The following VMP1 variants were observed in gnomAD, a reference collection of about 807,000 sequenced individuals.
VMP1 encodes the protein ectopic P-granules autophagy protein 3 homolog.
VMP1 carries 11 observed loss-of-function variants against 56.0 expected under a neutral mutation model. The ratio of observed to expected loss-of-function variants is 0.20; its 90% confidence interval spans 0.12 to 0.32. The LOEUF is 0.32. Among genes scored for constraint, VMP1 ranks in the 10% least tolerant of loss-of-function variants. The pLI is 1.00. For missense variants in VMP1, 296 were observed against 490.3 expected (o/e 0.60, Z 3.74); for synonymous variants, 149 against 165.0 (o/e 0.90, Z 0.74).
intron 8 of VMP1, among the ~76,000 whole-genome samples, chr17:59,810,736 A>C (rs2038027934): frequency 6.6e-6 from 1 of 152,228 alleles, no homozygotes; most frequent in East Asian, 1.9e-4. Flanking sequence ...TCTTTTTTAA[A>C]GATCATATGT....
chr17:59,738,800 G>C, intron 4 of VMP1, 37 bp from the exon 5 acceptor site: 1 of 1,406,926 alleles, frequency 7.1e-7, no homozygotes, highest in Non-Finnish European at 1.0e-6. Context: ...TTTCTGTATA[G>C]AGAATTCACG....
At chr17:59,783,113 A>T (rs2036885252) in intron 7 of VMP1, among the ~76,000 whole-genome samples, 1 of 152,096 alleles carries the variant, frequency 6.6e-6, no homozygotes, top group Non-Finnish European at 1.5e-5. Flanking sequence ...GGAGAATGGC[A>T]TGAACCTGGG....
At chr17:59,710,058 G>A (rs2143681809) in intron 1 of VMP1, among the ~76,000 whole-genome samples, 1 of 152,190 alleles carries the variant, frequency 6.6e-6, no homozygotes, top group African/African-American at 2.4e-5. Flanking sequence ...TTAGCCGGGC[G>A]TGGTGGCAGG....
At chr17:59,817,483 C>T (rs2038285352) in intron 9 of VMP1, among the ~76,000 whole-genome samples, 1 of 151,748 alleles carries the variant, frequency 6.6e-6, no homozygotes, top group Non-Finnish European at 1.5e-5. Flanking sequence ...TCCCAAGTAG[C>T]TGGGACTACA....
At chr17:59,756,698 C>T (rs1173855596) in intron 5 of VMP1, among the ~76,000 whole-genome samples, 1 of 152,204 alleles carries the variant, frequency 6.6e-6, no homozygotes, top group Admixed American at 6.5e-5. Flanking sequence ...ACACAACACA[C>T]ATTCTGCACT....
intron 5 of VMP1, among the ~76,000 whole-genome samples, chr17:59,743,374 G>A (rs907886068): frequency 6.6e-5 from 10 of 152,012 alleles, no homozygotes; most frequent in African/African-American, 2.4e-4. Context: ...TTTTCTGACC[G>A]ACCTCTTTCA....
chr17:59,817,472 C>T (rs941789006), intron 9 of VMP1, among the ~76,000 whole-genome samples: 1 of 151,550 alleles, frequency 6.6e-6, no homozygotes, highest in Non-Finnish European at 1.5e-5. Flanking sequence ...CTGCCTCAGC[C>T]TCCCAAGTAG....
At chr17:59,822,246 A>G (rs1329419554) in intron 10 of VMP1, among the ~76,000 whole-genome samples, 3 of 151,760 alleles carry the variant, frequency 2.0e-5, no homozygotes, top group African/African-American at 4.8e-5. Flanking sequence ...AGTCTTTGTC[A>G]TTAATAACAT....
chr17:59,807,199 G>GTTTTT (rs376878801), intron 7 of VMP1, among the ~76,000 whole-genome samples: 1 of 132,642 alleles, frequency 7.5e-6, no homozygotes, highest in Non-Finnish European at 1.6e-5. Flanking sequence ...TTGTTTTTTT[G>GTTTTT]TTTTTTTTTT....
intron 10 of VMP1, among the ~76,000 whole-genome samples, chr17:59,823,134 A>G (rs751030722): frequency 7.2e-5 from 11 of 152,026 alleles, no homozygotes; most frequent in Non-Finnish European, 1.3e-4. Flanking sequence ...TTTAATTGTT[A>G]GTTCTCTCCT....
intron 1 of VMP1, among the ~76,000 whole-genome samples, chr17:59,727,729 A>G (rs1264621343): frequency 6.6e-6 from 1 of 152,198 alleles, no homozygotes; most frequent in East Asian, 1.9e-4. Context: ...GGCATTTTGT[A>G]CGTTTATTAC....
At chr17:59,802,579 T>C (rs978392175) in intron 7 of VMP1, among the ~76,000 whole-genome samples, 11 of 152,160 alleles carry the variant, frequency 7.2e-5, no homozygotes, top group African/African-American at 1.4e-4. Flanking sequence ...GGATTTTCTG[T>C]TGCTTTTATT....
intron 10 of VMP1, among the ~76,000 whole-genome samples, chr17:59,818,674 G>A (rs1210830339): frequency 1.3e-5 from 2 of 151,944 alleles, no homozygotes; most frequent in Non-Finnish European, 2.9e-5. Flanking sequence ...GGAGGCGGAG[G>A]TTGCGGTGAG....
intron 7 of VMP1, among the ~76,000 whole-genome samples, chr17:59,780,952 A>T (rs2036802290): frequency 6.6e-6 from 1 of 152,030 alleles, no homozygotes; most frequent in African/African-American, 2.4e-5. Flanking sequence ...TTTGTGGCTT[A>T]TGATAGATTT....
intron 1 of VMP1, among the ~76,000 whole-genome samples, chr17:59,717,795 C>G (rs2034224988): frequency 6.6e-6 from 1 of 152,144 alleles, no homozygotes; most frequent in Non-Finnish European, 1.5e-5. Context: ...TGGTGCGTGC[C>G]TGTTATCCCA....
intron 5 of VMP1, among the ~76,000 whole-genome samples, chr17:59,763,397 A>G (rs887681281): frequency 6.6e-6 from 1 of 152,070 alleles, no homozygotes; most frequent in Non-Finnish European, 1.5e-5. Flanking sequence ...AATCTTATAT[A>G]ATTATTTTAA....
chr17:59,775,232 C>G (rs1416493589), intron 7 of VMP1, among the ~76,000 whole-genome samples: 2 of 152,172 alleles, frequency 1.3e-5, no homozygotes, highest in African/African-American at 4.8e-5. Context: ...GCGTGAGCCA[C>G]CACGCCCGGC....
At chr17:59,724,183 G>GC (rs1329596105) in intron 1 of VMP1, among the ~76,000 whole-genome samples, 1 of 147,490 alleles carries the variant, frequency 6.8e-6, no homozygotes, top group Non-Finnish European at 1.5e-5. Context: ...CTGCACTCCA[G>GC]CCCGGGGGAC....
At chr17:59,746,519 T>G (rs763957465) in intron 5 of VMP1, among the ~76,000 whole-genome samples, 1 of 152,238 alleles carries the variant, frequency 6.6e-6, no homozygotes, top group Non-Finnish European at 1.5e-5. Context: ...TTAAGATATC[T>G]TAGAAGTCCT....
Sources: gnomAD v4.1 joint callset for allele counts (sites outside exome capture counted in the v4.1 genomes callset) on GRCh38, gnomAD v4.1.1 for gene constraint, MANE v1.5 for transcripts, NCBI Gene and HGNC (gene_info 2026-07-23, HGNC 2026-07-21) for gene names.